Variants in SPAG16 observed in about 807,000 individuals in gnomAD.
SPAG16 encodes the protein sperm associated antigen 16.
A neutral mutation model predicts 80.4 loss-of-function variants in SPAG16; 86 were observed. That is an observed-to-expected ratio of 1.07 (90% CI 0.90 to 1.28). The LOEUF (loss-of-function observed/expected upper bound fraction) is 1.28, where lower values mean the gene tolerates loss of function less well. Ranked by LOEUF, SPAG16 falls within the 50% of genes most tolerant of loss-of-function variation. SPAG16 has a pLI of 0.00. For missense variants in SPAG16, 870 were observed against 765.3 expected, an observed-to-expected ratio of 1.14 and a Z score of -1.61; for synonymous variants, 294 against 265.9, an observed-to-expected ratio of 1.11 and a Z score of -1.03.
chr2:213,976,297 C>T (rs1575702855), intron 12 of SPAG16, among the ~76,000 whole-genome samples: 1 of 150,582 alleles, frequency 6.6e-6, no homozygotes, highest in Admixed American at 6.6e-5. Context: ...TGCACATATG[C>T]ATACACATGT....
intron 10 of SPAG16, among the ~76,000 whole-genome samples, chr2:213,798,590 T>A (rs558260543): frequency 6.6e-6 from 1 of 152,254 alleles, no homozygotes; most frequent in Admixed American, 6.5e-5. Flanking sequence ...AACTTTTAAA[T>A]TCTGATGAAG....
chr2:213,508,216 A>C (rs1445168584), intron 10 of SPAG16, among the ~76,000 whole-genome samples: 1 of 152,210 alleles, frequency 6.6e-6, no homozygotes, highest in East Asian at 1.9e-4. Flanking sequence ...ATGTCCAACA[A>C]TGATAGACTG....
At chr2:214,341,536 C>CA (rs1352843697) in intron 15 of SPAG16, among the ~76,000 whole-genome samples, 9 of 151,792 alleles carry the variant, frequency 5.9e-5, no homozygotes, top group Non-Finnish European at 1.2e-4. Context: ...TCTGAGATTT[C>CA]AAAAAAATGA....
At chr2:214,169,252 C>G (rs1366749301) in intron 15 of SPAG16, among the ~76,000 whole-genome samples, 2 of 151,892 alleles carry the variant, frequency 1.3e-5, no homozygotes, top group East Asian at 3.9e-4. Context: ...TGTTACTAAC[C>G]AATATAATTT....
intron 15 of SPAG16, among the ~76,000 whole-genome samples, chr2:214,183,290 A>T (rs1306818949): frequency 6.6e-6 from 1 of 151,930 alleles, no homozygotes; most frequent in African/African-American, 2.4e-5. Flanking sequence ...ATGCCCTATT[A>T]TAGACAGACT....
chr2:214,363,815 T>C (rs1699320814), intron 15 of SPAG16, among the ~76,000 whole-genome samples: 1 of 152,110 alleles, frequency 6.6e-6, no homozygotes, highest in Admixed American at 6.6e-5. Flanking sequence ...TGAGTATCCT[T>C]GGGCAAGCAA....
intron 13 of SPAG16, among the ~76,000 whole-genome samples, chr2:214,069,466 C>G (rs1170331766): frequency 6.6e-6 from 1 of 152,134 alleles, no homozygotes; most frequent in African/African-American, 2.4e-5. Context: ...GTCTGGGTGA[C>G]AGCTCCCTTA....
intron 8 of SPAG16, among the ~76,000 whole-genome samples, chr2:213,369,138 G>T (rs1370906636): frequency 6.6e-6 from 1 of 152,118 alleles, no homozygotes; most frequent in Non-Finnish European, 1.5e-5. Flanking sequence ...TTAAAATTTA[G>T]ATAAAATGTA....
chr2:213,882,875 G>C lies in SPAG16; in HGVS notation c.1214+20247G>C, dbSNP rs539910858. On this transcript the variant is annotated intron_variant, in intron 11 of 15. Transcript: ENST00000331683. ...TTTCTTTGTTTTTGTTTTTCTTTTT[G>C]TTTTTGTTTTTTTGAGACGGAGTCT... Among the ~76,000 whole-genome samples, 151 of 151,804 alleles carry C rather than the reference G, an allele frequency of 9.9e-4. No individual in the cohort carries two copies. In the Middle Eastern group the frequency reaches 0.014, roughly 14 times the overall value.
At chr2:213,391,057 C>A (rs1276962423) in intron 9 of SPAG16, among the ~76,000 whole-genome samples, 10 of 152,130 alleles carry the variant, frequency 6.6e-5, no homozygotes, top group Admixed American at 6.5e-4. Flanking sequence ...ATCACGAAAT[C>A]AGGAGTTCAA....
chr2:214,373,650 A>G (rs1016215079), intron 15 of SPAG16, among the ~76,000 whole-genome samples: 1 of 152,162 alleles, frequency 6.6e-6, no homozygotes, highest in African/African-American at 2.4e-5. Context: ...AGCTCTTTCA[A>G]TGAGGGAGAT....
chr2:214,357,449 A>G lies in SPAG16; in HGVS notation c.1721-52691A>G, dbSNP rs1411626007. On this transcript the variant is annotated intron_variant, in intron 15 of 15. Transcript: ENST00000331683. ...TTTCTTTTCATGTATCTTCTAGTGT[A>G]TTAAGTCTCCCTTTAGCTATGTCTA... 4.0e-5 allele frequency among the ~76,000 whole-genome samples: 6 copies of G among 151,746 alleles called. No individual in the cohort carries two copies. The South Asian group carries it at 1.2e-3, about 32-fold the overall frequency.
chr2:214,357,616 T>C (rs966188468), intron 15 of SPAG16, among the ~76,000 whole-genome samples: 1 of 152,022 alleles, frequency 6.6e-6, no homozygotes, highest in Non-Finnish European at 1.5e-5. Context: ...TTTTCTGATA[T>C]TGTCCTTTAT....
chr2:214,198,594 C>T (rs1316819352), intron 15 of SPAG16, among the ~76,000 whole-genome samples: 1 of 152,006 alleles, frequency 6.6e-6, no homozygotes, highest in Non-Finnish European at 1.5e-5. Flanking sequence ...ATAATGACTT[C>T]TTTTCCTTTG....
Position 213,862,534 on chromosome 2 carries a change from C to G in SPAG16, c.1120C>G (p.Arg374Gly), listed in dbSNP as rs752099484. ...KDILVSCGED[R>G]LWKVLGLPKC... Reference sequence around the variant, plus strand: ...CATCCTAGTCTCCTGTGGCGAGGACCGACTCTGGAAGGTGTTGGGCCTTCC... The same window carrying G: ...CATCCTAGTCTCCTGTGGCGAGGACGGACTCTGGAAGGTGTTGGGCCTTCC... Residue 374 changes from arginine (R) to glycine (G), a missense_variant, in exon 11 of 16, where the codon CGA becomes GGA. Arg to Gly is a moderately radical substitution (Grantham distance 125). Coordinates refer to ENST00000331683, the MANE Select transcript of SPAG16 (RefSeq NM_024532.5). 8.1e-6 allele frequency: 13 copies of G among 1,614,132 alleles called. No individual in the cohort carries two copies. The highest frequency in any genetic ancestry group is 1.0e-5 in the Non-Finnish European group (12 of 1,180,004).
chr2:213,466,348 G>A (rs1240236830), intron 9 of SPAG16, among the ~76,000 whole-genome samples: 2 of 152,182 alleles, frequency 1.3e-5, no homozygotes, highest in African/African-American at 2.4e-5. Flanking sequence ...GGAAGACTAA[G>A]GGCTTGTGCC....
At chr2:213,525,844 G>T (rs2075868968) in intron 10 of SPAG16, among the ~76,000 whole-genome samples, 2 of 152,062 alleles carry the variant, frequency 1.3e-5, no homozygotes, top group East Asian at 3.9e-4. Context: ...TACAGATGTA[G>T]ATATACATAT....
intron 9 of SPAG16, among the ~76,000 whole-genome samples, chr2:213,459,722 T>C (rs1298933663): frequency 6.6e-6 from 1 of 152,258 alleles, no homozygotes; most frequent in Non-Finnish European, 1.5e-5. Flanking sequence ...CTCATCTGCA[T>C]GCATGTCGCT....
chr2:213,625,408 C>T (rs2061927593), intron 10 of SPAG16, among the ~76,000 whole-genome samples: 1 of 152,066 alleles, frequency 6.6e-6, no homozygotes, highest in East Asian at 1.9e-4. Context: ...CAAAACACCT[C>T]GTGTACCCCC....
Sources: allele counts gnomAD v4.1 joint callset (sites outside exome capture counted in the v4.1 genomes callset), GRCh38; gene constraint gnomAD v4.1.1; transcripts MANE v1.5; gene names NCBI Gene and HGNC (gene_info 2026-07-23, HGNC 2026-07-21).